The following LOC400499 variants were observed in gnomAD, a reference collection of about 807,000 sequenced individuals.
chr16:11,401,310 C>T, the LOC400499 span: 2 of 399,238 alleles, frequency 5.0e-6, no homozygotes, highest in Non-Finnish European at 8.8e-6. Flanking sequence ...AGGCCACTGG[C>T]CTCGGCTTGC....
At chr16:11,446,451 C>T in the LOC400499 span, 1 of 1,141,560 alleles carries the variant, frequency 8.8e-7, no homozygotes, top group East Asian at 2.6e-5. Flanking sequence ...AGCCACTGCA[C>T]TCAGTCCAGA....
At chr16:11,389,766 G>A in the LOC400499 span, among the ~76,000 whole-genome samples, 4 of 151,248 alleles carry the variant, frequency 2.6e-5, no homozygotes, top group African/African-American at 7.3e-5. Context: ...CTTAAGATGC[G>A]ACTCTCAGGC....
the LOC400499 span, among the ~76,000 whole-genome samples, chr16:11,420,458 G>T: frequency 1.6e-5 from 2 of 122,328 alleles, no homozygotes; most frequent in Non-Finnish European, 3.4e-5. Flanking sequence ...GTGGGGGGAG[G>T]GGGGAGGGAT....
chr16:11,485,705 G>T, the LOC400499 span, among the ~76,000 whole-genome samples: 1 of 151,614 alleles, frequency 6.6e-6, no homozygotes, highest in African/African-American at 2.4e-5. Context: ...CTTTCTTATG[G>T]ACCCCTCTCC....
the LOC400499 span, among the ~76,000 whole-genome samples, chr16:11,475,060 A>T: frequency 7.9e-5 from 12 of 152,324 alleles, no homozygotes; most frequent in Admixed American, 7.8e-4. Context: ...TTGAGCAAGT[A>T]TGAATATGTA....
chr16:11,494,446 G>C, the LOC400499 span: 1 of 395,564 alleles, frequency 2.5e-6, no homozygotes, highest in African/African-American at 2.1e-5. Context: ...GGGGAAGGGG[G>C]AATGAGGGAT....
the LOC400499 span, chr16:11,372,461 C>CA: frequency 6.6e-6 from 1 of 152,256 alleles, no homozygotes; most frequent in South Asian, 2.1e-4. Flanking sequence ...TTGCTGGCCG[C>CA]ACTGTCTCCT....
the LOC400499 span, chr16:11,435,638 C>T: frequency 2.5e-5 from 10 of 399,364 alleles, no homozygotes; most frequent in African/African-American, 1.4e-4. Context: ...CCTGCCTCCT[C>T]GCAGGCCACC....
chr16:11,489,544 C>G, the LOC400499 span, among the ~76,000 whole-genome samples: 648 of 152,312 alleles, frequency 4.3e-3, 3 homozygotes, highest in Non-Finnish European at 5.7e-3. Flanking sequence ...AACCCTCCCC[C>G]CATTGTCTCA....
the LOC400499 span, chr16:11,383,562 G>A: frequency 5.8e-6 from 7 of 1,211,110 alleles, no homozygotes; most frequent in African/African-American, 1.1e-4. Flanking sequence ...TCCCTGGTGA[G>A]AGAAAGGGAC....
chr16:11,391,771 C>A, the LOC400499 span: 2 of 1,232,256 alleles, frequency 1.6e-6, no homozygotes, highest in East Asian at 6.3e-5. Context: ...GTGGCTACTG[C>A]CCAACCACTC....
chr16:11,378,230 C>T, the LOC400499 span, among the ~76,000 whole-genome samples: 7 of 148,830 alleles, frequency 4.7e-5, no homozygotes, highest in Middle Eastern at 3.4e-3. Context: ...TGTCACTGTG[C>T]CTGGCTGCTG....
the LOC400499 span, among the ~76,000 whole-genome samples, chr16:11,486,044 GTGAATAGATGGATGGA>G: frequency 4.6e-5 from 7 of 151,970 alleles, no homozygotes; most frequent in African/African-American, 1.7e-4. Flanking sequence ...AATGGATTGA[GTGAATAGATGGATGGA>G]TGTATGGATG....
chr16:11,400,776 CCTT>C, the LOC400499 span, among the ~76,000 whole-genome samples: 2 of 152,116 alleles, frequency 1.3e-5, no homozygotes, highest in Non-Finnish European at 2.9e-5. Flanking sequence ...TCATATCACA[CCTT>C]CTGATTTTTT....
chr16:11,514,444 A>C, the LOC400499 span: 1 of 399,154 alleles, frequency 2.5e-6, no homozygotes, highest in Non-Finnish European at 4.4e-6. Flanking sequence ...CCTTTGCAGG[A>C]AGTGGCCCCG....
At chr16:11,456,883 G>C in the LOC400499 span, 19 of 1,536,118 alleles carry the variant, frequency 1.2e-5, no homozygotes, top group Non-Finnish European at 1.6e-5. Context: ...AGGGTGGCCC[G>C]AGATGTGTCC....
At chr16:11,430,212 C>T in the LOC400499 span, among the ~76,000 whole-genome samples, 2 of 152,120 alleles carry the variant, frequency 1.3e-5, no homozygotes, top group South Asian at 2.1e-4. Context: ...ATCTGCCAGG[C>T]GCGGTGGCTC....
the LOC400499 span, among the ~76,000 whole-genome samples, chr16:11,381,654 T>C: frequency 6.6e-6 from 1 of 152,170 alleles, no homozygotes; most frequent in African/African-American, 2.4e-5. Flanking sequence ...GGTAAAGATA[T>C]CTCTAGACAG....
chr16:11,418,621 T>G, the LOC400499 span, among the ~76,000 whole-genome samples: 1 of 152,054 alleles, frequency 6.6e-6, no homozygotes, highest in Non-Finnish European at 1.5e-5. Context: ...CAGCCCTGAA[T>G]TCTTTCTTGC....
Sources: allele counts gnomAD v4.1 joint callset (sites outside exome capture counted in the v4.1 genomes callset), GRCh38; gene constraint gnomAD v4.1.1; transcripts MANE v1.5.